Variants in AATK observed in about 807,000 individuals in gnomAD.
The protein encoded by AATK is serine/threonine-protein kinase LMTK1.
AATK carries 91 observed loss-of-function variants against 114.3 expected under a neutral mutation model. That is an observed-to-expected ratio of 0.80 (90% CI 0.67 to 0.95). The LOEUF (loss-of-function observed/expected upper bound fraction) is 0.95. Among genes scored for constraint, AATK ranks in the 40% least tolerant of loss-of-function variants. The pLI, the probability that AATK is intolerant of heterozygous loss-of-function variation, is 0.00. For missense variants in AATK, 2,176 were observed against 1,965.2 expected (o/e 1.11, Z -2.03); for synonymous variants, 1,075 against 916.5 (o/e 1.17, Z -3.12).
In AATK at chr17:81,121,541, C is replaced by T. The variant is rs200566125; in HGVS notation, c.2395G>A (p.Val799Ile). 103 of 1,533,204 alleles carry T rather than the reference C, an allele frequency of 6.7e-5. No homozygotes were observed. Among genetic ancestry groups the T allele is most frequent in the African/African-American group, 4.5e-4 (33 of 72,852 alleles). The allele number at this position is 1,533,204 out of a possible 1,614,324, so 95.0% of individuals were successfully genotyped here. A position where few individuals can be genotyped will look rare whatever the true frequency, so the allele number is the denominator to read the frequency against. ...TTGPRLPLPS[V>I]PSPSQEGAPL... is the part of the protein sequence containing the mutation. ...GCTCCCTCCTGGGATGGGGAGGGGA[C>T]GGAAGGAAGGGGCAGGCGGGGTCCG... Residue 799 changes from valine to isoleucine, a missense_variant, in exon 11 of 14, where the codon GTC becomes ATC. Coordinates refer to ENST00000326724, the MANE Select transcript of AATK (RefSeq NM_001080395.3).
rs2146288352 is a variant in AATK at position 81,122,302 on chromosome 17, G to C, written c.1634C>G (p.Pro545Arg). The change falls in exon 11 of 14, where the codon CCT (proline) becomes CGT (arginine). Residue 545 changes from proline (P) to arginine (R), a missense_variant. By Grantham distance (103) the Pro-to-Arg change is moderately radical. Transcript: ENST00000326724. ...ACTGGGGGCGCAGCCGGCGCAGTCA[G>C]GGTCGTGGCCGGCGGCGGGTGCGGC... ...EEAAPAAGHD[P>R]DCAGCAPSPP... is the part of the protein sequence containing the mutation. 6.6e-7 allele frequency: 1 copy of C among 1,510,130 alleles called. No individual in the cohort carries two copies. Among genetic ancestry groups the C allele is most frequent in the African/African-American group, 1.4e-5 (1 of 70,272 alleles). The allele number at this position is 1,510,130 out of a possible 1,614,324, so 93.5% of individuals were successfully genotyped here. A position where few individuals can be genotyped will look rare whatever the true frequency, so the allele number is the denominator to read the frequency against.
intron 1 of AATK, 121 bp from the exon 2 acceptor site, chr17:81,134,622 T>C: frequency 7.7e-7 from 1 of 1,305,488 alleles, no homozygotes; most frequent in Non-Finnish European, 1.0e-6. Context: ...CTCAGCACCC[T>C]GACCTCTCAC....
At chr17:81,149,226 C>T (rs2146385815) in intron 1 of AATK, among the ~76,000 whole-genome samples, 1 of 152,238 alleles carries the variant, frequency 6.6e-6, no homozygotes, top group South Asian at 2.1e-4. Flanking sequence ...GTGCAGGTTC[C>T]CTTCCCTGAC....
intron 1 of AATK, among the ~76,000 whole-genome samples, chr17:81,140,760 G>GA (rs144645484): frequency 0.08 from 8,501 of 106,792 alleles, 1,292 homozygotes; most frequent in African/African-American, 0.09. Context: ...GGGGCCGTGA[G>GA]CCGTGGGGCT....
At chr17:81,162,925 G>A (rs546689371) in intron 1 of AATK, among the ~76,000 whole-genome samples, 2 of 152,300 alleles carry the variant, frequency 1.3e-5, no homozygotes, top group East Asian at 3.9e-4. Flanking sequence ...ACACCTCTGC[G>A]TCAGGGATCA....
At chr17:81,154,136 C>T (rs2061332201) in intron 1 of AATK, among the ~76,000 whole-genome samples, 1 of 152,042 alleles carries the variant, frequency 6.6e-6, no homozygotes, top group African/African-American at 2.4e-5. Flanking sequence ...TGAGCGTCTT[C>T]TCCAAGGAGA....
intron 1 of AATK, among the ~76,000 whole-genome samples, chr17:81,153,367 T>G (rs6565541): frequency 0.16 from 24,316 of 152,056 alleles, 2,866 homozygotes; most frequent in African/African-American, 0.33. Context: ...CTTCTAACAG[T>G]CAATTTGAAG....
In AATK at chr17:81,120,053, A is replaced by G; in HGVS notation, c.3766T>C (p.Phe1256Leu). ...GGGGGCGATTCCTTGGCGCCCGGGA[A>G]GGGCTCCCCGAGCTCCCGGGTGGGG... ...ESPTRELGEP[F>L]PGAKESPPTF... The change falls in exon 12 of 14, where the codon TTC becomes CTC. Residue 1256 changes from phenylalanine (F) to leucine (L), a missense_variant. Transcript: ENST00000326724. 6.9e-7 allele frequency: 1 copy of G among 1,457,032 alleles called. No homozygotes were observed. Among genetic ancestry groups the G allele is most frequent in the Non-Finnish European group, 9.1e-7 (1 of 1,102,092 alleles). 90.3% of individuals were successfully genotyped at this position (1,457,032 alleles called of 1,614,324 possible).
At chr17:81,155,394 TTA>T (rs1491542126) in intron 1 of AATK, among the ~76,000 whole-genome samples, 6 of 25,352 alleles carry the variant, frequency 2.4e-4, no homozygotes, top group Admixed American at 4.5e-4. Flanking sequence ...ATTATTATTA[TTA>T]TTATTTTTTG....
intron 1 of AATK, among the ~76,000 whole-genome samples, chr17:81,158,553 G>A (rs1336246908): frequency 2.0e-5 from 3 of 152,240 alleles, no homozygotes; most frequent in Admixed American, 6.5e-5. Flanking sequence ...TGCTCACTGC[G>A]CACAGACCTG....
chr17:81,122,658 G>A lies in AATK; in HGVS notation c.1278C>T (p.Pro426=), dbSNP rs1305442399. Residue 426 remains proline (P), a synonymous_variant, in exon 11 of 14, where the codon CCC becomes CCT. Coordinates refer to ENST00000326724, the MANE Select transcript of AATK (RefSeq NM_001080395.3). ...GCATGGGCCCCGCCGCACCGGGCCC[G>A]GGCCCCACGCCGCCCCCGCCGGGCC... ...SLRPGGGGVG[P]GPGAAGPMLG... 13 of 1,495,110 alleles carry A rather than the reference G, an allele frequency of 8.7e-6. 1 individual carries two copies. In the Middle Eastern group the frequency reaches 5.3e-4, roughly 61 times the overall value. 92.6% of individuals were successfully genotyped at this position (1,495,110 alleles called of 1,614,324 possible). A position where few individuals can be genotyped will look rare whatever the true frequency, so the allele number is the denominator to read the frequency against.
At chr17:81,157,436 C>T (rs528190003) in intron 1 of AATK, among the ~76,000 whole-genome samples, 3 of 152,302 alleles carry the variant, frequency 2.0e-5, no homozygotes, top group Non-Finnish European at 2.9e-5. Context: ...GGTGGGCATC[C>T]GGCCCTCCCC....
At position 81,126,288 on chromosome 17, in the gene AATK, T is replaced by G; in HGVS notation, c.755+139A>C. 2 of 1,120,096 alleles carry G rather than the reference T, an allele frequency of 1.8e-6. No individual in the cohort carries two copies. The highest frequency in any genetic ancestry group is 2.5e-6 in the Non-Finnish European group (2 of 807,990). 69.4% of individuals were successfully genotyped at this position (1,120,096 alleles called of 1,614,324 possible). On this transcript the variant is annotated intron_variant, in intron 7 of 13. Transcript: ENST00000326724. This position sits in a 1 kb window ranked among gnomAD's most constrained non-coding sequence, Gnocchi z 5.1. ...AAAAACGTCATAAAATCCCTCTGCA[T>G]AGTGGTTGTCTGATGCTGCATGAGA...
chr17:81,119,195 C>CAGGTGAGGGT (rs2060638321), intron 13 of AATK, among the ~76,000 whole-genome samples, 185 bp downstream of exon 13: 1 of 128,738 alleles, frequency 7.8e-6, no homozygotes, highest in East Asian at 2.5e-4. Context: ...CAGGTGAGGG[C>CAGGTGAGGGT]CAGGCGAGGG....
intron 12 of AATK, 138 bp from the exon 13 acceptor site, chr17:81,119,718 CAGGCCCCGCCTCCCATGCAGCACGGACA>C (rs1171476391): frequency 1.3e-5 from 13 of 976,566 alleles, no homozygotes; most frequent in East Asian, 4.9e-5. Context: ...GTCACGGGCC[CAGGCCCCGCCTCCCATGCAGCACGGACA>C]AGGCCCCGCC....
rs1253093299 is a variant in AATK, at chr17:81,127,836, G to A, written c.489C>T (p.Ser163=). ...CCAGGAACTGCATCTGCTCCTGCAC[G>A]CTGGCACTAGCCTGCAGCTCCTTCA... is the stretch of plus-strand genomic sequence containing the variant. The part of the protein sequence containing the change: ...VVVKELQASA[S]VQEQMQFLEE... Residue 163 remains serine (S), a synonymous_variant, in exon 5 of 14, where the codon AGC becomes AGT. Coordinates refer to ENST00000326724, the MANE Select transcript of AATK (RefSeq NM_001080395.3). The A allele has an allele frequency of 1.4e-5, 21 of 1,544,478 alleles. No homozygotes were observed. The highest frequency in any genetic ancestry group is 1.8e-5 in the Non-Finnish European group (21 of 1,142,746).
chr17:81,120,705 G>T lies in AATK; in HGVS notation c.3231C>A (p.Val1077=). ...PEPSTCPSGL[V]PEPPEPQGPA... ...GGCCTTGGGGCTCCGGAGGCTCTGGGACCAGGCCCGAGGGGCAGGTGCTGG... is the reference window on the plus strand; with the variant it reads ...GGCCTTGGGGCTCCGGAGGCTCTGGTACCAGGCCCGAGGGGCAGGTGCTGG... Residue 1077 remains valine, a synonymous_variant, in exon 11 of 14, where the codon GTC becomes GTA. Transcript: ENST00000326724. 6.5e-7 allele frequency: 1 copy of T among 1,536,292 alleles called. No homozygotes were observed. The highest frequency in any genetic ancestry group is 2.3e-5 in the East Asian group (1 of 42,930).
At chr17:81,149,184 C>T (rs1432611238) in intron 1 of AATK, among the ~76,000 whole-genome samples, 1 of 152,146 alleles carries the variant, frequency 6.6e-6, no homozygotes, top group East Asian at 1.9e-4. Context: ...GCAGCCCACC[C>T]ATCCCGGGCT....
intron 3 of AATK, 48 bp from the exon 4 acceptor site, chr17:81,128,597 C>A: frequency 6.5e-7 from 1 of 1,546,264 alleles, no homozygotes; most frequent in Non-Finnish European, 8.7e-7. Flanking sequence ...CTCCGCACCC[C>A]CCAGCTTCCT....
Sources: allele counts gnomAD v4.1 joint callset (sites outside exome capture counted in the v4.1 genomes callset), GRCh38; gene constraint gnomAD v4.1.1; non-coding constraint Gnocchi (gnomAD v3.1); transcripts MANE v1.5; gene names NCBI Gene and HGNC (gene_info 2026-07-23, HGNC 2026-07-21).